Variants in TREML2 observed in about 807,000 individuals in gnomAD.
TREML2 encodes the protein triggering receptor expressed on myeloid cells like 2.
In TREML2, 24 loss-of-function variants were observed where a neutral mutation model predicts 25.9. The observed-to-expected ratio is 0.93, with a 90% CI of 0.67 to 1.30. The LOEUF (loss-of-function observed/expected upper bound fraction) is 1.30, where lower values mean the gene tolerates loss of function less well. Among genes scored for constraint, TREML2 ranks in the 50% most tolerant of loss-of-function variants. The pLI, the probability that TREML2 is intolerant of heterozygous loss-of-function variation, is 0.00. For synonymous variants in TREML2, 139 were observed against 155.2 expected, an observed-to-expected ratio of 0.90 and a Z score of 0.77; for missense variants, 359 against 395.6, an observed-to-expected ratio of 0.91 and a Z score of 0.78.
At chr6:41,200,357 TC>T (rs1248447203) in intron 1 of TREML2, among the ~76,000 whole-genome samples, 1 of 152,092 alleles carries the variant, frequency 6.6e-6, no homozygotes, top group Admixed American at 6.5e-5. Flanking sequence ...TGCCTACACC[TC>T]CCACCCCTCT....
Sources: gnomAD v4.1 joint callset for allele counts (sites outside exome capture counted in the v4.1 genomes callset) on GRCh38, gnomAD v4.1.1 for gene constraint, MANE v1.5 for transcripts, NCBI Gene and HGNC (gene_info 2026-07-23, HGNC 2026-07-21) for gene names.